Variants in MLLT3 observed in about 807,000 individuals in gnomAD.
MLLT3 encodes the protein MLLT3 super elongation complex subunit.
A neutral mutation model predicts 53.2 loss-of-function variants in MLLT3; 4 were observed. That is an observed-to-expected ratio of 0.08 (90% CI 0.04 to 0.17). The LOEUF (loss-of-function observed/expected upper bound fraction) is 0.17. MLLT3 is among the 10% of genes least tolerant of loss of function. The probability of loss-of-function intolerance (pLI) is 1.00; values close to 1 mark genes in which losing one functional copy is unlikely to be tolerated. For synonymous variants in MLLT3, 283 were observed against 230.6 expected (o/e 1.23, Z -2.06); for missense variants, 569 against 684.0 (o/e 0.83, Z 1.87).
Position 20,405,038 on chromosome 9 carries a change from A to G in MLLT3, c.1125+8683T>C, listed in dbSNP as rs547919404. Among the ~76,000 whole-genome samples, 108 of 152,270 alleles carry G rather than the reference A, an allele frequency of 7.1e-4. No homozygotes were observed. In the Middle Eastern group the frequency reaches 0.01, roughly 14 times the overall value. ...CATGAGTGCAACCTTTAGATAATAC[A>G]ATATAATATCAATACAATAGGTTGG... is the stretch of plus-strand genomic sequence containing the variant. On this transcript the variant is annotated intron_variant, in intron 5 of 10. Coordinates refer to ENST00000380338, the MANE Select transcript of MLLT3 (RefSeq NM_004529.4).
At chr9:20,503,244 T>A (rs758708567) in intron 2 of MLLT3, among the ~76,000 whole-genome samples, 1 of 152,026 alleles carries the variant, frequency 6.6e-6, no homozygotes, top group Non-Finnish European at 1.5e-5. Context: ...TGAAGTAATC[T>A]CAAGCAAAAA....
chr9:20,490,228 T>G (rs945941908), intron 2 of MLLT3, among the ~76,000 whole-genome samples: 31 of 152,228 alleles, frequency 2.0e-4, no homozygotes, highest in African/African-American at 5.8e-4. Context: ...GTGAAGGGAT[T>G]CTGCAAATAT....
intron 5 of MLLT3, among the ~76,000 whole-genome samples, chr9:20,405,544 T>C (rs1054483654): frequency 6.6e-6 from 1 of 152,240 alleles, no homozygotes. Flanking sequence ...ATTCTTGCTC[T>C]GTCACTTCCA....
intron 2 of MLLT3, among the ~76,000 whole-genome samples, chr9:20,583,461 G>C (rs1380506463): frequency 1.3e-5 from 2 of 152,124 alleles, no homozygotes; most frequent in Non-Finnish European, 2.9e-5. Context: ...CTGTGTGGGG[G>C]CTCCGACCCC....
rs918562326 is a variant in MLLT3, at chr9:20,555,726, C to T, written c.193+64928G>A. Among the ~76,000 whole-genome samples the T allele has an allele frequency of 7.2e-5, 11 of 152,208 alleles. No homozygotes were observed. The South Asian group carries it at 2.1e-3, about 29-fold the overall frequency. ...CTCATCTCACTAGGCACACTGCCCA[C>T]GATTATAAAACCTCCCAGGCAACAA... On this transcript the variant is annotated intron_variant, in intron 2 of 10. Transcript: ENST00000380338.
At chr9:20,395,982 T>C (rs1822311937) in intron 5 of MLLT3, among the ~76,000 whole-genome samples, 1 of 152,154 alleles carries the variant, frequency 6.6e-6, no homozygotes, top group Non-Finnish European at 1.5e-5. Flanking sequence ...GGCTTGTTCT[T>C]GGAGAAAGCA....
chr9:20,516,195 A>G (rs909143348), intron 2 of MLLT3, among the ~76,000 whole-genome samples: 2 of 152,202 alleles, frequency 1.3e-5, no homozygotes, highest in African/African-American at 2.4e-5. Context: ...GAAGGAGGAG[A>G]AAGTATCCCC....
intron 2 of MLLT3, among the ~76,000 whole-genome samples, chr9:20,510,345 G>A (rs904838634): frequency 6.6e-6 from 1 of 152,210 alleles, no homozygotes; most frequent in African/African-American, 2.4e-5. Flanking sequence ...AGGCGCGGTG[G>A]CTCACACCTG....
chr9:20,509,430 T>C (rs1305018900), intron 2 of MLLT3, among the ~76,000 whole-genome samples: 1 of 152,212 alleles, frequency 6.6e-6, no homozygotes, highest in Non-Finnish European at 1.5e-5. Flanking sequence ...TGGTTCTCAC[T>C]CTTTAGTTGT....
chr9:20,376,793 T>C (rs1261601809), intron 5 of MLLT3, among the ~76,000 whole-genome samples: 1 of 152,202 alleles, frequency 6.6e-6, no homozygotes, highest in African/African-American at 2.4e-5. Flanking sequence ...CCAGAACATG[T>C]GCTCTTTCAA....
intron 2 of MLLT3, among the ~76,000 whole-genome samples, chr9:20,514,064 A>G (rs934369784): frequency 3.3e-5 from 5 of 152,022 alleles, no homozygotes; most frequent in Non-Finnish European, 7.4e-5. Context: ...TCCCCTAGGG[A>G]GTAAGGGGTT....
At chr9:20,573,557 TTAAAGAAAATGCAAA>T (rs2131166545) in intron 2 of MLLT3, among the ~76,000 whole-genome samples, 1 of 152,198 alleles carries the variant, frequency 6.6e-6, no homozygotes, top group South Asian at 2.1e-4. Context: ...ACCAGAAAAG[TTAAAGAAAATGCAAA>T]TAAAGTTAAT....
At position 20,599,495 on chromosome 9, in the gene MLLT3, G is replaced by A. The variant is rs980927520; in HGVS notation, c.193+21159C>T. 3.5e-4 allele frequency among the ~76,000 whole-genome samples: 52 copies of A among 148,802 alleles called. 1 individual carries two copies. Among genetic ancestry groups the A allele is most frequent in the Non-Finnish European group, 7.4e-5 (5 of 67,462 alleles). On this transcript the variant is annotated intron_variant, in intron 2 of 10. Transcript: ENST00000380338. ...AAAAAGGTAGCATGAAACCTCTCATGTTTCTCCCCATTGTCCATGGTAAAC... is the reference window on the plus strand; with the variant it reads ...AAAAAGGTAGCATGAAACCTCTCATATTTCTCCCCATTGTCCATGGTAAAC...
At chr9:20,378,134 A>AT (rs148809572) in intron 5 of MLLT3, among the ~76,000 whole-genome samples, 22,565 of 151,974 alleles carry the variant, frequency 0.15, 3,911 homozygotes, top group African/African-American at 0.41. Flanking sequence ...TAAATTTTCA[A>AT]TTTTTTGTAT....
At chr9:20,507,112 G>A (rs1825401972) in intron 2 of MLLT3, among the ~76,000 whole-genome samples, 1 of 152,082 alleles carries the variant, frequency 6.6e-6, no homozygotes, top group Non-Finnish European at 1.5e-5. Flanking sequence ...TTTTCAAGAC[G>A]GTGTCTACAT....
intron 2 of MLLT3, among the ~76,000 whole-genome samples, chr9:20,562,982 G>A (rs905243948): frequency 5.9e-5 from 9 of 152,018 alleles, no homozygotes; most frequent in East Asian, 1.9e-4. Context: ...AACACCTACC[G>A]TCCCCCATTC....
intron 2 of MLLT3, among the ~76,000 whole-genome samples, chr9:20,607,637 T>C (rs528672246): frequency 1.5e-4 from 23 of 152,128 alleles, no homozygotes; most frequent in Non-Finnish European, 3.4e-4. Context: ...ATTTGTATTT[T>C]ATGGATTTTG....
chr9:20,551,864 CAGT>C (rs1223367406), intron 2 of MLLT3, among the ~76,000 whole-genome samples: 2 of 152,174 alleles, frequency 1.3e-5, no homozygotes, highest in African/African-American at 2.4e-5. Flanking sequence ...ATTTATGCAG[CAGT>C]AGACTTTTGT....
chr9:20,454,178 G>A (rs899439326), intron 3 of MLLT3, among the ~76,000 whole-genome samples: 2 of 152,024 alleles, frequency 1.3e-5, no homozygotes, highest in African/African-American at 2.4e-5. Context: ...ACTACCCAAT[G>A]TGCCTTCATT....
Sources: allele counts gnomAD v4.1 joint callset (sites outside exome capture counted in the v4.1 genomes callset), GRCh38; gene constraint gnomAD v4.1.1; transcripts MANE v1.5; gene names NCBI Gene and HGNC (gene_info 2026-07-23, HGNC 2026-07-21).